ENTPD1: variants seen among roughly 807,000 people sequenced by gnomAD.
ENTPD1 encodes ATP diphosphohydrolase.
A neutral mutation model predicts 57.0 loss-of-function variants in ENTPD1; 33 were observed. The ratio of observed to expected loss-of-function variants is 0.58; its 90% CI spans 0.44 to 0.77. The LOEUF (loss-of-function observed/expected upper bound fraction) is 0.77. Ranked by LOEUF, ENTPD1 falls within the 30% of genes least tolerant of loss-of-function variation. The probability of loss-of-function intolerance (pLI) is 0.00; values close to 1 mark genes in which losing one functional copy is unlikely to be tolerated. For synonymous variants in ENTPD1, 202 were observed against 218.8 expected (o/e 0.92, Z 0.68); for missense variants, 501 against 603.4 (o/e 0.83, Z 1.78).
upstream of ENTPD1, among the ~76,000 whole-genome samples, chr10:95,710,969 C>T (rs2139803970): frequency 6.6e-6 from 1 of 152,180 alleles, no homozygotes; most frequent in South Asian, 2.1e-4. Flanking sequence ...AAAATGGTAG[C>T]CACAAATGAA....
At chr10:95,704,754 A>G in the ENTPD1 span, among the ~76,000 whole-genome samples, 4 of 152,118 alleles carry the variant, frequency 2.6e-5, no homozygotes, top group African/African-American at 9.6e-5. Context: ...ATCACTGATA[A>G]TAAAGAAAAA....
intron 1 of ENTPD1, among the ~76,000 whole-genome samples, chr10:95,806,513 C>T (rs2098273121): frequency 1.3e-5 from 2 of 152,228 alleles, no homozygotes; most frequent in South Asian, 4.1e-4. Context: ...CATTCTCCAT[C>T]CAGCTTTGTT....
chr10:95,847,514 T>G lies in ENTPD1; in HGVS notation c.882T>G (p.Ser294Arg). The G allele has an allele frequency of 2.5e-6, 4 of 1,614,172 alleles. No homozygotes were observed. The highest frequency in any genetic ancestry group is 3.4e-6 in the Non-Finnish European group (4 of 1,180,022). The change falls in exon 7 of 10, where the codon AGT becomes AGG. Residue 294 changes from serine to arginine, a missense_variant. By Grantham distance (110) the Ser-to-Arg change is moderately radical. Transcript: ENST00000371205. Reference protein sequence around the residue: ...HPGYKKVVNVSDLYKTPCTKR... With the variant: ...HPGYKKVVNVRDLYKTPCTKR... ...GATATAAGAAGGTAGTGAACGTAAG[T>G]GACCTTTACAAGACCCCCTGCACCA... is the stretch of plus-strand genomic sequence containing the variant.
chr10:95,806,817 G>T lies in ENTPD1; in HGVS notation c.17-16420G>T, dbSNP rs965520217. 4.0e-5 allele frequency among the ~76,000 whole-genome samples: 6 copies of T among 151,696 alleles called. No homozygotes were observed. In the South Asian group the frequency reaches 6.2e-4, roughly 16 times the overall value. Reference sequence around the variant, plus strand: ...CCTGTTTGTCTGGGTATCACCAGCGGAGGCTGCAGAACAGCAAATATTGCA... The same window carrying T: ...CCTGTTTGTCTGGGTATCACCAGCGTAGGCTGCAGAACAGCAAATATTGCA... On this transcript the variant is annotated intron_variant, in intron 1 of 9. Coordinates refer to ENST00000371205, the MANE Select transcript of ENTPD1 (RefSeq NM_001776.6).
At chr10:95,774,966 TG>T (rs2098128471) in intron 1 of ENTPD1, among the ~76,000 whole-genome samples, 1 of 152,204 alleles carries the variant, frequency 6.6e-6, no homozygotes, top group Non-Finnish European at 1.5e-5. Context: ...TCCATGAGCA[TG>T]GAATGTTCTT....
chr10:95,857,699 A>G lies in ENTPD1; in HGVS notation c.1075-2770A>G, dbSNP rs540632311. The stretch of plus-strand genomic sequence containing the variant: ...ACTAGAGAGAGAGCAGTTTTCTGCC[A>G]CTTATTTACGGAGCACTCACATATG... On this transcript the variant is annotated intron_variant, in intron 7 of 9. Transcript: ENST00000371205. Among the ~76,000 whole-genome samples, 5 of 152,358 alleles carry G rather than the reference A, an allele frequency of 3.3e-5. No homozygotes were observed. The South Asian group carries it at 1.0e-3, about 32-fold the overall frequency.
At chr10:95,752,187 T>C (rs11188470), upstream of ENTPD1, among the ~76,000 whole-genome samples, 24,263 of 152,100 alleles carry the variant, frequency 0.16, 2,504 homozygotes, top group African/African-American at 0.28. Flanking sequence ...GGCAGTTTCA[T>C]TGGCATGGTG....
intron 1 of ENTPD1, among the ~76,000 whole-genome samples, chr10:95,742,126 A>G (rs2098000981): frequency 6.6e-6 from 1 of 152,194 alleles, no homozygotes; most frequent in South Asian, 2.1e-4. Flanking sequence ...GTGTTCTTCA[A>G]AACTTTCCAC....
intron 1 of ENTPD1, among the ~76,000 whole-genome samples, chr10:95,792,259 G>A (rs1396661939): frequency 2.6e-5 from 4 of 152,150 alleles, no homozygotes; most frequent in Non-Finnish European, 5.9e-5. Context: ...TTGGTCACCC[G>A]AGTGCCCCAT....
intron 1 of ENTPD1, among the ~76,000 whole-genome samples, chr10:95,771,439 G>A (rs994123998): frequency 4.6e-5 from 7 of 152,264 alleles, no homozygotes; most frequent in African/African-American, 1.7e-4. Flanking sequence ...ATGAGTGATA[G>A]AAACATTGAA....
intron 2 of ENTPD1, among the ~76,000 whole-genome samples, chr10:95,830,555 C>T (rs1050634400): frequency 1.3e-5 from 2 of 152,114 alleles, no homozygotes; most frequent in Non-Finnish European, 2.9e-5. Context: ...CCTGTAATCC[C>T]AGCATTTTGG....
intron 1 of ENTPD1, among the ~76,000 whole-genome samples, chr10:95,788,412 T>A (rs1439922042): frequency 1.3e-5 from 2 of 151,612 alleles, no homozygotes; most frequent in African/African-American, 4.8e-5. Context: ...AGGTCAGGAG[T>A]TCGAGACCAG....
chr10:95,785,708 G>A (rs1418710), intron 1 of ENTPD1, among the ~76,000 whole-genome samples: 127,945 of 152,202 alleles, frequency 0.84, 54,577 homozygotes, highest in African/African-American at 0.96. Context: ...TAATAATTAA[G>A]AGCTTAGAAT....
intron 1 of ENTPD1, among the ~76,000 whole-genome samples, chr10:95,822,373 C>T (rs796872507): frequency 7.6e-5 from 11 of 144,192 alleles, no homozygotes; most frequent in East Asian, 4.3e-4. Flanking sequence ...CTTGGCTCAC[C>T]GAAACCTCTG....
chr10:95,712,816 T>C (rs4244318), intron 1 of ENTPD1, among the ~76,000 whole-genome samples: 127,623 of 151,876 alleles, frequency 0.84, 54,177 homozygotes, highest in Non-Finnish European at 0.91. Context: ...GGGCAGATCA[T>C]GAGGTCAGGA....
intron 1 of ENTPD1, among the ~76,000 whole-genome samples, chr10:95,762,045 GA>G (rs1435239574): frequency 6.6e-6 from 1 of 151,908 alleles, no homozygotes; most frequent in Non-Finnish European, 1.5e-5. Flanking sequence ...AGTTGTTGGA[GA>G]AAAAAATCCA....
chr10:95,809,246 C>T (rs917256210), intron 1 of ENTPD1, among the ~76,000 whole-genome samples: 15 of 152,232 alleles, frequency 9.9e-5, no homozygotes, highest in Admixed American at 5.9e-4. Context: ...GTACACCTCC[C>T]AGACAGGGTG....
Position 95,876,612 on chromosome 10 carries a change from G to C in ENTPD1, c.*10229G>C. ...GGATGAATCCACTCTGTCTCCTGCA[G>C]TGAAGTCTGTTTGAAGGATGTATTT... On this transcript the variant is annotated 3_prime_UTR_variant, in exon 10 of 10. Transcript: ENST00000371205. The C allele has an allele frequency of 8.1e-7, 1 of 1,229,860 alleles. No individual in the cohort carries two copies. 76.2% of individuals were successfully genotyped at this position (1,229,860 alleles called of 1,614,324 possible).
At chr10:95,760,811 A>ATTTTTTTTT (rs1399145317) in intron 1 of ENTPD1, among the ~76,000 whole-genome samples, 1 of 48,400 alleles carries the variant, frequency 2.1e-5, no homozygotes, top group African/African-American at 8.1e-5. Context: ...CATAGAGTTT[A>ATTTTTTTTT]TTCTTTTTTT....
Sources: gnomAD v4.1 joint callset for allele counts (sites outside exome capture counted in the v4.1 genomes callset) on GRCh38, gnomAD v4.1.1 for gene constraint, MANE v1.5 for transcripts, NCBI Gene and HGNC (gene_info 2026-07-23, HGNC 2026-07-21) for gene names.